The following IRGQ variants were observed in gnomAD, a reference collection of about 807,000 sequenced individuals.
IRGQ encodes the protein immunity related GTPase Q.
Under a neutral mutation model 10.5 loss-of-function variants are expected in IRGQ, and 5 were observed. The ratio of observed to expected loss-of-function variants is 0.48; its 90% CI spans 0.25 to 1.00. The LOEUF (loss-of-function observed/expected upper bound fraction) is 1.00. Ranked by LOEUF, IRGQ falls within the 50% of genes least tolerant of loss-of-function variation. The pLI is 0.16. For synonymous variants in IRGQ, 418 were observed against 426.0 expected (o/e 0.98, Z 0.23); for missense variants, 792 against 877.7 (o/e 0.90, Z 1.23).
chr19:43,591,908 G>C lies in IRGQ; in HGVS notation c.*118C>G. Reference sequence around the variant, plus strand: ...TGTCCCCCAGACTCTCTGAATCCAGGTGATAAGAAGTCACACATCCCAGCT... The same window carrying C: ...TGTCCCCCAGACTCTCTGAATCCAGCTGATAAGAAGTCACACATCCCAGCT... On this transcript the variant is annotated 3_prime_UTR_variant, in exon 3 of 3. Coordinates refer to ENST00000422989, the MANE Select transcript of IRGQ (RefSeq NM_001007561.3). The C allele has an allele frequency of 3.2e-6, 3 of 950,074 alleles. No individual in the cohort carries two copies. The highest frequency in any genetic ancestry group is 4.7e-6 in the Non-Finnish European group (3 of 644,358). The allele number at this position is 950,074 out of a possible 1,614,324, so 58.9% of individuals were successfully genotyped here. A position where few individuals can be genotyped will look rare whatever the true frequency, so the allele number is the denominator to read the frequency against.
In IRGQ at chr19:43,594,919, T is replaced by A. The variant is rs756470773; in HGVS notation, c.420A>T (p.Leu140Phe). The change falls in exon 2 of 3, where the codon TTA becomes TTT. Residue 140 changes from leucine (L) to phenylalanine (F), a missense_variant. Leu to Phe is a conservative substitution (Grantham distance 22, BLOSUM62 0). Transcript: ENST00000422989. ...GTAGCACAAACAGATCCGCAGCTCC[T>A]AACCCCGCGCTGTTCAGCAGAGCTG... ...QTAALLNSAG[L>F]GAADLFVLPA... The A allele has an allele frequency of 6.2e-7, 1 of 1,614,038 alleles. No individual in the cohort carries two copies. The highest frequency in any genetic ancestry group is 1.7e-5 in the Admixed American group (1 of 60,020).
rs1323551500 is a variant in IRGQ, at chr19:43,589,672, G to A, written c.*2354C>T. 6.6e-6 allele frequency: 1 copy of A among 152,200 alleles called. No homozygotes were observed. The highest frequency in any genetic ancestry group is 1.5e-5 in the Non-Finnish European group (1 of 68,058). 9.4% of individuals were successfully genotyped at this position (152,200 alleles called of 1,614,324 possible). On this transcript the variant is annotated 3_prime_UTR_variant, in exon 3 of 3. Transcript: ENST00000422989. ...TGGGGAAACAACAGAGAACAGGACA[G>A]GCAACGGGTCAAAAGCCAATAAACA...
chr19:43,590,736 GAT>G lies in IRGQ; in HGVS notation c.*1288_*1289del, dbSNP rs1776867340. On this transcript the variant is annotated 3_prime_UTR_variant, in exon 3 of 3. Coordinates refer to ENST00000422989, the MANE Select transcript of IRGQ (RefSeq NM_001007561.3). ...TACCAGGAGAAAAAGGCCAAAAAAA[GAT>G]AGAAACTCCTAAAGAAAAGAGACAG... The G allele has an allele frequency of 6.6e-6, 1 of 152,224 alleles. No individual in the cohort carries two copies. The highest frequency in any genetic ancestry group is 6.5e-5 in the Admixed American group (1 of 15,272). 9.4% of individuals were successfully genotyped at this position (152,224 alleles called of 1,614,324 possible). A position where few individuals can be genotyped will look rare whatever the true frequency, so the allele number is the denominator to read the frequency against.
At position 43,586,236 on chromosome 19, in the gene IRGQ, T is replaced by C. The variant is rs1972993332; in HGVS notation, c.*5790A>G. 6.6e-6 allele frequency: 1 copy of C among 152,178 alleles called. No individual in the cohort carries two copies. The highest frequency in any genetic ancestry group is 1.5e-5 in the Non-Finnish European group (1 of 68,046). 9.4% of individuals were successfully genotyped at this position (152,178 alleles called of 1,614,324 possible). On this transcript the variant is annotated 3_prime_UTR_variant, in exon 3 of 3. Coordinates refer to ENST00000422989, the MANE Select transcript of IRGQ (RefSeq NM_001007561.3). ...CACACTTCAGTGGCGGCCAGTGATC[T>C]GTCTACAAGGGAGTCTTAGTCTTTT...
chr19:43,595,325 T>G lies in IRGQ; in HGVS notation c.14A>C (p.Gln5Pro). 6.4e-7 allele frequency: 1 copy of G among 1,554,698 alleles called. No individual in the cohort carries two copies. Among genetic ancestry groups the G allele is most frequent in the Non-Finnish European group, 8.7e-7 (1 of 1,152,400 alleles). Residue 5 changes from glutamine to proline, a missense_variant, in exon 2 of 3, where the codon CAG becomes CCG. Physicochemically the swap from Gln to Pro is moderately conservative, Grantham distance 76. Transcript: ENST00000422989. MPPP[Q>P]GDVTALFLGP... is the part of the protein sequence containing the mutation. ...CAGGAACAAGGCGGTCACGTCACCC[T>G]GCGGCGGAGGCATGGCTGGAAAGCA...
rs778557997 is a variant in IRGQ at position 43,592,514 on chromosome 19, A to T, written c.1384T>A (p.Leu462Met). ...PAQAGALLLALPPASPSAART... is the reference protein window; with the variant it reads ...PAQAGALLLAMPPASPSAART... ...GCAGCGCTGGGAGATGCTGGTGGCA[A>T]CGCCAGCAGCAGTGCCCCTGCCTGG... The change falls in exon 3 of 3, where the codon TTG becomes ATG. Residue 462 changes from leucine (L) to methionine (M), a missense_variant. Coordinates refer to ENST00000422989, the MANE Select transcript of IRGQ (RefSeq NM_001007561.3). The T allele has an allele frequency of 1.3e-6, 2 of 1,595,754 alleles. No individual in the cohort carries two copies. The highest frequency in any genetic ancestry group is 2.2e-5 in the South Asian group (2 of 90,898).
chr19:43,595,479 A>G, intron 1 of IRGQ, 139 bp from the exon 2 acceptor site: 1 of 694,498 alleles, frequency 1.4e-6, no homozygotes, highest in Admixed American at 3.6e-5. Flanking sequence ...CAGGACCTAA[A>G]AAATCCAGAG....
chr19:43,595,664 G>A, intron 1 of IRGQ: 1 of 228,198 alleles, frequency 4.4e-6, no homozygotes, highest in East Asian at 9.1e-5. Context: ...AGGAATTCGA[G>A]ACCAGCCTGG....
At position 43,592,080 on chromosome 19, in the gene IRGQ, A is replaced by T; in HGVS notation, c.1818T>A (p.Asp606Glu). 1 of 1,610,560 alleles carries T rather than the reference A, an allele frequency of 6.2e-7. No homozygotes were observed. ...AAHGVLLQAL[D>E]EMRADAEAVL... Reference sequence around the variant, plus strand: ...CAGCCTCAGCATCAGCCCGCATCTCATCGAGAGCCTGCAGCAGGACGCCGT... The same window carrying T: ...CAGCCTCAGCATCAGCCCGCATCTCTTCGAGAGCCTGCAGCAGGACGCCGT... The change falls in exon 3 of 3, where the codon GAT becomes GAA. Residue 606 changes from aspartate to glutamate, a missense_variant. Transcript: ENST00000422989.
chr19:43,590,855 T>C lies in IRGQ; in HGVS notation c.*1171A>G, dbSNP rs955727359. ...TTCCCAGTCACACTCACAGAGGCAGTTGCCGGGATCCCAATACAAGGTTTG... is the reference window on the plus strand; with the variant it reads ...TTCCCAGTCACACTCACAGAGGCAGCTGCCGGGATCCCAATACAAGGTTTG... On this transcript the variant is annotated 3_prime_UTR_variant, in exon 3 of 3. Coordinates refer to ENST00000422989, the MANE Select transcript of IRGQ (RefSeq NM_001007561.3). 25 of 152,354 alleles carry C rather than the reference T, an allele frequency of 1.6e-4. No homozygotes were observed. The highest frequency in any genetic ancestry group is 6.0e-4 in the African/African-American group (25 of 41,558). The allele number at this position is 152,354 out of a possible 1,614,324, so 9.4% of individuals were successfully genotyped here.
Position 43,592,792 on chromosome 19 carries a change from C to T in IRGQ, c.1106G>A (p.Gly369Glu), listed in dbSNP as rs1289558484. The change falls in exon 3 of 3, where the codon GGA becomes GAA. Residue 369 changes from glycine (G) to glutamate (E), a missense_variant. Transcript: ENST00000422989. Reference protein sequence around the residue: ...GGGLENALSKGREKCSAGSQK... With the variant: ...GGGLENALSKEREKCSAGSQK... ...CGATCCAGCGCTACATTTCTCCCTT[C>T]CCTTACTGAGTGCATTCTCCAATCC... The T allele has an allele frequency of 6.2e-7, 1 of 1,613,996 alleles. No homozygotes were observed. The highest frequency in any genetic ancestry group is 2.2e-5 in the East Asian group (1 of 44,886).
At position 43,587,437 on chromosome 19, in the gene IRGQ, T is replaced by C. The variant is rs966760434; in HGVS notation, c.*4589A>G. On this transcript the variant is annotated 3_prime_UTR_variant, in exon 3 of 3. Transcript: ENST00000422989. ...CAGTTTTTGGAAAACTATTATATAA[T>C]TGGAACAACTTGGATATGTGAATCT... 1 of 152,154 alleles carries C rather than the reference T, an allele frequency of 6.6e-6. No homozygotes were observed. The highest frequency in any genetic ancestry group is 1.5e-5 in the Non-Finnish European group (1 of 68,032). 9.4% of individuals were successfully genotyped at this position (152,154 alleles called of 1,614,324 possible).
rs1335425418 is a variant in IRGQ, at chr19:43,589,582, T to TAAG, written c.*2443_*2444insCTT. 6.6e-6 allele frequency: 1 copy of TAAG among 151,862 alleles called. No homozygotes were observed. Among genetic ancestry groups the TAAG allele is most frequent in the Non-Finnish European group, 1.5e-5 (1 of 67,970 alleles). The allele number at this position is 151,862 out of a possible 1,614,324, so 9.4% of individuals were successfully genotyped here. A position where few individuals can be genotyped will look rare whatever the true frequency, so the allele number is the denominator to read the frequency against. Reference sequence around the variant, plus strand: ...ACAGAGCAAGACCCTGTCTCTAAAATAATAATAATAATAATAAATATTTAC... The same window carrying TAAG: ...ACAGAGCAAGACCCTGTCTCTAAAATAAGAATAATAATAATAATAAATATTTAC... On this transcript the variant is annotated 3_prime_UTR_variant, in exon 3 of 3. Transcript: ENST00000422989.
rs774457444 is a variant in IRGQ, at chr19:43,594,889, C to T, written c.450G>A (p.Ala150=). Residue 150 remains alanine, a synonymous_variant, in exon 2 of 3, where the codon GCG becomes GCA. Coordinates refer to ENST00000422989, the MANE Select transcript of IRGQ (RefSeq NM_001007561.3). ...CGCAGCCGTCGCTGCTGCCGCAGTT[C>T]GCCGGTAGCACAAACAGATCCGCAG... ...LGAADLFVLP[A]NCGSSDGCEE... 6.6e-5 allele frequency: 107 copies of T among 1,613,796 alleles called. 1 individual carries two copies. Among genetic ancestry groups the T allele is most frequent in the African/African-American group, 1.3e-5 (1 of 74,934 alleles).
chr19:43,594,034 G>A (rs1244655049), intron 2 of IRGQ, among the ~76,000 whole-genome samples: 1 of 152,182 alleles, frequency 6.6e-6, no homozygotes, highest in African/African-American at 2.4e-5. Flanking sequence ...CCAGCAAGTG[G>A]GCACAGAAAC....
At position 43,592,374 on chromosome 19, in the gene IRGQ, A is replaced by G; in HGVS notation, c.1524T>C (p.Leu508=). 1 of 1,578,402 alleles carries G rather than the reference A, an allele frequency of 6.3e-7. No individual in the cohort carries two copies. Among genetic ancestry groups the G allele is most frequent in the Non-Finnish European group, 8.5e-7 (1 of 1,170,386 alleles). Residue 508 remains leucine, a synonymous_variant, in exon 3 of 3, where the codon CTT becomes CTC. Transcript: ENST00000422989. Reference sequence around the variant, plus strand: ...GCCACTCCGCCAGCTGACCCCGCAGAAGTGCCACGTCGCATGCCCAGCCCA... The same window carrying G: ...GCCACTCCGCCAGCTGACCCCGCAGGAGTGCCACGTCGCATGCCCAGCCCA... The part of the protein sequence containing the change: ...PGLGWACDVA[L]LRGQLAEWRR...
In IRGQ at chr19:43,595,666, C is replaced by A. The variant is rs535805556; in HGVS notation, c.-3+316G>T. ...ATCGCTTGAGGCCAGGAATTCGAGA[C>A]CAGCCTGGCCAACATGTGGGGGGAC... On this transcript the variant is annotated intron_variant, in intron 1 of 2. Coordinates refer to ENST00000422989, the MANE Select transcript of IRGQ (RefSeq NM_001007561.3). 4.8e-3 allele frequency: 1,080 copies of A among 226,350 alleles called. 4 individuals are homozygous for A. The highest frequency in any genetic ancestry group is 9.9e-3 in the Middle Eastern group (7 of 704). The allele number at this position is 226,350 out of a possible 1,614,324, so 14.0% of individuals were successfully genotyped here.
chr19:43,591,888 C>T lies in IRGQ; in HGVS notation c.*138G>A. ...AAAAAAAAAATCAGGATTCCTGTCC[C>T]CCAGACTCTCTGAATCCAGGTGATA... On this transcript the variant is annotated 3_prime_UTR_variant, in exon 3 of 3. Transcript: ENST00000422989. 1.2e-6 allele frequency: 1 copy of T among 803,134 alleles called. No individual in the cohort carries two copies. The highest frequency in any genetic ancestry group is 1.9e-6 in the Non-Finnish European group (1 of 528,482). The allele number at this position is 803,134 out of a possible 1,614,324, so 49.8% of individuals were successfully genotyped here.
At position 43,595,058 on chromosome 19, in the gene IRGQ, G is replaced by A; in HGVS notation, c.281C>T (p.Pro94Leu). 2 of 1,613,074 alleles carry A rather than the reference G, an allele frequency of 1.2e-6. No homozygotes were observed. Among genetic ancestry groups the A allele is most frequent in the Non-Finnish European group, 1.7e-6 (2 of 1,179,672 alleles). ...GPEGNGEPLA[P>L]ALGEAALAAL... is the part of the protein sequence containing the mutation. The stretch of plus-strand genomic sequence containing the variant: ...GGCCAGCGCTGCCTCTCCCAGGGCT[G>A]GAGCCAACGGTTCCCCGTTCCCCTC... The change falls in exon 2 of 3, where the codon CCA becomes CTA. Residue 94 changes from proline (P) to leucine (L), a missense_variant. By Grantham distance (98) the Pro-to-Leu change is moderately conservative (BLOSUM62 -3). Coordinates refer to ENST00000422989, the MANE Select transcript of IRGQ (RefSeq NM_001007561.3).
Sources: allele counts gnomAD v4.1 joint callset (sites outside exome capture counted in the v4.1 genomes callset), GRCh38; gene constraint gnomAD v4.1.1; transcripts MANE v1.5; gene names NCBI Gene and HGNC (gene_info 2026-07-23, HGNC 2026-07-21).